NRXN1: variants seen among roughly 807,000 people sequenced by gnomAD.
NRXN1 encodes the protein neurexin-1.
Under a neutral mutation model 150.9 loss-of-function variants are expected in NRXN1, and 39 were observed. That is an observed-to-expected ratio of 0.26 (90% CI 0.20 to 0.34). NRXN1 has a LOEUF of 0.34. NRXN1 is among the 10% of genes least tolerant of loss of function. The pLI, the probability that NRXN1 is intolerant of heterozygous loss-of-function variation, is 1.00. For missense variants in NRXN1, 1,815 were observed against 1,949.9 expected (o/e 0.93, Z 1.30); for synonymous variants, 924 against 757.0 (o/e 1.22, Z -3.62).
At chr2:50,342,131 T>C (rs781335686) in intron 17 of NRXN1, among the ~76,000 whole-genome samples, 16 of 152,164 alleles carry the variant, frequency 1.1e-4, no homozygotes, top group Non-Finnish European at 2.2e-4. Context: ...CACATGCTCA[T>C]AGTAGGAATT....
chr2:50,920,372 A>C (rs1211769589), intron 5 of NRXN1, among the ~76,000 whole-genome samples: 1 of 151,910 alleles, frequency 6.6e-6, no homozygotes, highest in East Asian at 1.9e-4. Flanking sequence ...CTGAGTATAA[A>C]CATGAACTAT....
intron 18 of NRXN1, among the ~76,000 whole-genome samples, chr2:50,117,515 TA>T (rs1390975902): frequency 6.6e-6 from 1 of 152,152 alleles, no homozygotes; most frequent in Non-Finnish European, 1.5e-5. Context: ...AGGCAGTGTT[TA>T]AAAATATGTT....
intron 8 of NRXN1, among the ~76,000 whole-genome samples, chr2:50,569,333 G>C (rs542722004): frequency 1.3e-5 from 2 of 152,132 alleles, no homozygotes; most frequent in Admixed American, 6.6e-5. Context: ...AATGCTTGAG[G>C]TGATGTATAC....
At position 50,346,815 on chromosome 2, in the gene NRXN1, T is replaced by C. The variant is rs200638529; in HGVS notation, c.3365-109845A>G. The C allele has an allele frequency of 3.0e-5, 48 of 1,612,668 alleles. No individual in the cohort carries two copies. Among genetic ancestry groups the C allele is most frequent in the Non-Finnish European group, 3.6e-5 (43 of 1,179,696 alleles). ...AACTGGATGCCCCCCACGCCACTCC[T>C]AGGAGGCCGCTGAGGGTGAGCGGGA... On this transcript the variant is annotated intron_variant, in intron 17 of 22. Transcript: ENST00000401669. The surrounding 1 kb of genome is among the most constrained non-coding windows in gnomAD (Gnocchi z 5.0).
chr2:50,313,542 G>T (rs115657191), intron 17 of NRXN1, among the ~76,000 whole-genome samples: 4 of 152,024 alleles, frequency 2.6e-5, no homozygotes, highest in African/African-American at 9.7e-5. Context: ...ATTAGACCCC[G>T]TAGACATGTG....
intron 5 of NRXN1, among the ~76,000 whole-genome samples, chr2:50,830,851 A>C (rs1474547838): frequency 2.0e-5 from 3 of 152,016 alleles, no homozygotes; most frequent in African/African-American, 7.3e-5. Context: ...TTCACTCTTA[A>C]GTATAGACCC....
At chr2:50,466,316 C>A in intron 16 of NRXN1, 2 of 355,918 alleles carry the variant, frequency 5.6e-6, no homozygotes, top group Non-Finnish European at 5.5e-6. Flanking sequence ...CAAAGTTAGG[C>A]TTCTTGCACA....
intron 17 of NRXN1, among the ~76,000 whole-genome samples, chr2:50,386,163 A>G (rs1321226677): frequency 6.6e-6 from 1 of 152,200 alleles, no homozygotes; most frequent in South Asian, 2.1e-4. Context: ...TCATTATTGA[A>G]ATGCATTTTG....
At position 50,271,795 on chromosome 2, in the gene NRXN1, G is replaced by A. The variant is rs546134661; in HGVS notation, c.3365-34825C>T. Among the ~76,000 whole-genome samples the A allele has an allele frequency of 3.2e-4, 48 of 152,094 alleles. 1 individual carries two copies. Among genetic ancestry groups the A allele is most frequent in the African/African-American group, 1.0e-3 (43 of 41,486 alleles). On this transcript the variant is annotated intron_variant, in intron 17 of 22. Coordinates refer to ENST00000401669, the MANE Select transcript of NRXN1 (RefSeq NM_001330078.2). ...TTTTGGTGAATAACAGTACAATAATGGTACTTTCCTTTTCCTTCATAAACA... is the reference window on the plus strand; with the variant it reads ...TTTTGGTGAATAACAGTACAATAATAGTACTTTCCTTTTCCTTCATAAACA...
chr2:50,445,894 C>T (rs1046922335), intron 17 of NRXN1, among the ~76,000 whole-genome samples: 4 of 152,164 alleles, frequency 2.6e-5, no homozygotes, highest in Non-Finnish European at 5.9e-5. Flanking sequence ...CATTCCTCCT[C>T]TCCATTGCTT....
chr2:50,327,352 G>C (rs2076452603), intron 17 of NRXN1, among the ~76,000 whole-genome samples: 1 of 152,174 alleles, frequency 6.6e-6, no homozygotes, highest in Non-Finnish European at 1.5e-5. Flanking sequence ...TATGATGATA[G>C]TTATCAGAAT....
intron 2 of NRXN1, among the ~76,000 whole-genome samples, chr2:50,980,322 T>C (rs1018387208): frequency 2.0e-5 from 3 of 152,124 alleles, no homozygotes; most frequent in Admixed American, 2.0e-4. Context: ...AATATATTAA[T>C]AGTTTCTACT....
intron 17 of NRXN1, among the ~76,000 whole-genome samples, chr2:50,317,459 G>T (rs2075702218): frequency 6.6e-6 from 1 of 151,536 alleles, no homozygotes; most frequent in South Asian, 2.1e-4. Flanking sequence ...GAGGGCAATG[G>T]GATAATATCT....
At chr2:50,796,119 A>C (rs1050264004) in intron 5 of NRXN1, among the ~76,000 whole-genome samples, 51 of 152,226 alleles carry the variant, frequency 3.4e-4, no homozygotes, top group African/African-American at 9.9e-4. Flanking sequence ...AGAATTATTA[A>C]ATAGGCTTGG....
At chr2:50,575,632 A>T (rs1217511251) in intron 8 of NRXN1, among the ~76,000 whole-genome samples, 1 of 152,214 alleles carries the variant, frequency 6.6e-6, no homozygotes, top group Non-Finnish European at 1.5e-5. Flanking sequence ...AAAAATAGAT[A>T]TTAGAGTTTC....
chr2:50,977,385 T>C (rs1374049116), intron 2 of NRXN1, among the ~76,000 whole-genome samples: 1 of 151,940 alleles, frequency 6.6e-6, no homozygotes, highest in Admixed American at 6.6e-5. Flanking sequence ...ATACATAATT[T>C]TACATATGAC....
At chr2:50,534,490 C>G (rs1392639373) in intron 10 of NRXN1, among the ~76,000 whole-genome samples, 1 of 152,044 alleles carries the variant, frequency 6.6e-6, no homozygotes, top group African/African-American at 2.4e-5. Context: ...TGCAAATAAT[C>G]AAATTGCTGT....
chr2:50,819,359 G>T (rs1235637188), intron 5 of NRXN1, among the ~76,000 whole-genome samples: 1 of 152,094 alleles, frequency 6.6e-6, no homozygotes, highest in Non-Finnish European at 1.5e-5. Context: ...TAGAGAAATA[G>T]GAACATCTTG....
intron 17 of NRXN1, among the ~76,000 whole-genome samples, chr2:50,366,297 G>A (rs549339809): frequency 6.8e-4 from 103 of 151,658 alleles, no homozygotes; most frequent in Non-Finnish European, 1.3e-3. Flanking sequence ...TAATTCAATA[G>A]TCTCCTATGA....
Sources: allele counts gnomAD v4.1 joint callset (sites outside exome capture counted in the v4.1 genomes callset), GRCh38; gene constraint gnomAD v4.1.1; non-coding constraint Gnocchi (gnomAD v3.1); transcripts MANE v1.5; gene names NCBI Gene and HGNC (gene_info 2026-07-23, HGNC 2026-07-21).